Variants in IARS2 observed in about 807,000 individuals in gnomAD.
IARS2 encodes the protein isoleucyl-tRNA synthetase 2, mitochondrial, also known as isoleucine--tRNA ligase, mitochondrial.
In IARS2, 56 loss-of-function variants were observed where a neutral mutation model predicts 126.3. The observed-to-expected ratio is 0.44, with a 90% CI of 0.36 to 0.55. The LOEUF (loss-of-function observed/expected upper bound fraction) is 0.55. Among genes scored for constraint, IARS2 ranks in the 20% least tolerant of loss-of-function variants. IARS2 has a pLI of 0.00. For missense variants in IARS2, 1,127 were observed against 1,245.9 expected (o/e 0.90, Z 1.44); for synonymous variants, 407 against 441.1 (o/e 0.92, Z 0.97).
At chr1:220,109,055 C>T (rs992549921) in intron 10 of IARS2, among the ~76,000 whole-genome samples, 1 of 151,900 alleles carries the variant, frequency 6.6e-6, no homozygotes, top group Non-Finnish European at 1.5e-5. Context: ...TTTACAGAAA[C>T]CTTATCGGAA....
At chr1:220,107,359 GGAGT>G (rs1445443716) in intron 10 of IARS2, among the ~76,000 whole-genome samples, 1 of 152,158 alleles carries the variant, frequency 6.6e-6, no homozygotes, top group Non-Finnish European at 1.5e-5. Flanking sequence ...CAGTCAACAG[GGAGT>G]GAAGTTATTT....
At chr1:220,143,873 G>T in intron 21 of IARS2, 1 of 675,198 alleles carries the variant, frequency 1.5e-6, no homozygotes, top group Non-Finnish European at 2.5e-6. Flanking sequence ...TTTTTCTCCA[G>T]TCTAAATGCT....
At position 220,147,485 on chromosome 1, in the gene IARS2, T is replaced by C. The variant is rs757289933; in HGVS notation, c.2897-8T>C. ...TATCAGAAATACTCTTCATGTATTT[T>C]TTTATAGGTGGTGATATTCGTGAAG... On this transcript the variant is annotated splice_region_variant and splice_polypyrimidine_tract_variant and intron_variant, in intron 22 of 22. Coordinates refer to ENST00000366922, the MANE Select transcript of IARS2 (RefSeq NM_018060.4). The C allele has an allele frequency of 6.2e-7, 1 of 1,613,836 alleles. No individual in the cohort carries two copies. The highest frequency in any genetic ancestry group is 1.7e-5 in the Admixed American group (1 of 60,024).
rs1274285003 is a variant in IARS2 at position 220,143,101 on chromosome 1, G to C, written c.2718G>C (p.Val906=). ...CAGCTGAGTACAAGGTTATCACTGT[G>C]ATAGAACCTGGACTGCTTTTTGAGA... ...KNAAEYKVIT[V]IEPGLLFEII... Residue 906 remains valine, a synonymous_variant, in exon 21 of 23, where the codon GTG becomes GTC. Transcript: ENST00000366922. The C allele has an allele frequency of 1.2e-6, 2 of 1,613,838 alleles. No homozygotes were observed. Among genetic ancestry groups the C allele is most frequent in the South Asian group, 2.2e-5 (2 of 91,042 alleles).
intron 14 of IARS2, among the ~76,000 whole-genome samples, chr1:220,130,435 C>G (rs1011462520): frequency 1.3e-5 from 2 of 152,150 alleles, no homozygotes; most frequent in Non-Finnish European, 2.9e-5. Context: ...ACATTTTTGC[C>G]TAGACCGATG....
chr1:220,141,646 G>A (rs971566899), intron 19 of IARS2, among the ~76,000 whole-genome samples, 157 bp from the exon 20 acceptor site: 1 of 152,206 alleles, frequency 6.6e-6, no homozygotes, highest in Non-Finnish European at 1.5e-5. Flanking sequence ...CCTGGACGGA[G>A]TAAAATTGTA....
chr1:220,134,600 C>A, intron 15 of IARS2, 90 bp downstream of exon 15: 1 of 659,578 alleles, frequency 1.5e-6, no homozygotes, highest in South Asian at 2.9e-5. Context: ...AGGCACCACT[C>A]TTGATTGCTT....
chr1:220,130,985 A>G (rs1273966174), intron 14 of IARS2, among the ~76,000 whole-genome samples: 1 of 152,142 alleles, frequency 6.6e-6, no homozygotes. Context: ...TTTTTACTGT[A>G]ACTTTGCAGT....
At chr1:220,118,840 TAAAG>T (rs1291230375) in intron 12 of IARS2, among the ~76,000 whole-genome samples, 1 of 152,098 alleles carries the variant, frequency 6.6e-6, no homozygotes, top group Non-Finnish European at 1.5e-5. Context: ...GTTCATTAAA[TAAAG>T]AAAAATTTCT....
At chr1:220,109,314 C>T (rs1426602439) in intron 10 of IARS2, among the ~76,000 whole-genome samples, 1 of 151,520 alleles carries the variant, frequency 6.6e-6, no homozygotes, top group East Asian at 1.9e-4. Context: ...GCAGGAGAAT[C>T]ACTTGAACCT....
intron 3 of IARS2, among the ~76,000 whole-genome samples, chr1:220,100,942 C>T (rs1656557953): frequency 6.6e-6 from 1 of 152,048 alleles, no homozygotes; most frequent in African/African-American, 2.4e-5. Context: ...TTCTGCTTTC[C>T]TCAAGGGGGC....
At chr1:220,146,596 A>C (rs1321402816) in intron 22 of IARS2, among the ~76,000 whole-genome samples, 1 of 151,378 alleles carries the variant, frequency 6.6e-6, no homozygotes. Flanking sequence ...GGAGATGGGA[A>C]GCTAACTTAC....
chr1:220,113,688 A>T (rs1319162434), intron 11 of IARS2, among the ~76,000 whole-genome samples: 2 of 145,538 alleles, frequency 1.4e-5, no homozygotes, highest in African/African-American at 5.7e-5. Context: ...TCTGTCGCCC[A>T]GGTTGGAGTG....
chr1:220,121,733 C>G (rs1219133107), intron 12 of IARS2, among the ~76,000 whole-genome samples: 1 of 152,092 alleles, frequency 6.6e-6, no homozygotes, highest in Non-Finnish European at 1.5e-5. Flanking sequence ...TCATGAGCCA[C>G]CGTGCCAGGC....
chr1:220,126,084 G>A (rs1657150133), intron 13 of IARS2, among the ~76,000 whole-genome samples: 1 of 146,460 alleles, frequency 6.8e-6, no homozygotes, highest in Non-Finnish European at 1.5e-5. Context: ...TCTAGCCTGG[G>A]CAACAGAGTG....
chr1:220,101,827 C>G (rs1041318759), intron 3 of IARS2, among the ~76,000 whole-genome samples: 1 of 152,066 alleles, frequency 6.6e-6, no homozygotes, highest in African/African-American at 2.4e-5. Flanking sequence ...AGTGAAACCC[C>G]GTCTCTACTA....
chr1:220,138,643 T>G (rs978989898), intron 17 of IARS2, among the ~76,000 whole-genome samples: 5 of 152,092 alleles, frequency 3.3e-5, no homozygotes, highest in South Asian at 4.1e-4. Context: ...CTCAATAACC[T>G]TTCACATTTT....
At chr1:220,134,608 CT>C in intron 15 of IARS2, 98 bp downstream of exon 15, 1 of 607,050 alleles carries the variant, frequency 1.6e-6, no homozygotes, top group Admixed American at 3.3e-5. Context: ...CTCTTGATTG[CT>C]TACAGTGTCC....
At position 220,126,754 on chromosome 1, in the gene IARS2, G is replaced by C. The variant is rs780794574; in HGVS notation, c.1748G>C (p.Gly583Ala). The C allele has an allele frequency of 6.2e-7, 1 of 1,612,048 alleles. No individual in the cohort carries two copies. The highest frequency in any genetic ancestry group is 1.1e-5 in the South Asian group (1 of 90,784). Residue 583 changes from glycine to alanine, a missense_variant, in exon 14 of 23, where the codon GGT becomes GCT. By Grantham distance (60) the Gly-to-Ala change is moderately conservative. Transcript: ENST00000366922. ...GCTTTTGCATTATCTTACTAGGTTG[G>C]TGGCCCTGATGCCTTGGAATATGTG... Reference protein sequence around the residue: ...LLPKEVLSEVGGPDALEYVPG... With the variant: ...LLPKEVLSEVAGPDALEYVPG...
Sources: allele counts gnomAD v4.1 joint callset (sites outside exome capture counted in the v4.1 genomes callset), GRCh38; gene constraint gnomAD v4.1.1; transcripts MANE v1.5; gene names NCBI Gene and HGNC (gene_info 2026-07-23, HGNC 2026-07-21).